Variants in ZNF804B observed in about 807,000 individuals in gnomAD.
The protein encoded by ZNF804B is zinc finger protein 804B, also known as zinc finger 804B.
Under a neutral mutation model 101.4 loss-of-function variants are expected in ZNF804B, and 80 were observed. The observed-to-expected ratio is 0.79, with a 90% CI of 0.66 to 0.95. ZNF804B has a LOEUF of 0.95. Among genes scored for constraint, ZNF804B ranks in the 40% least tolerant of loss-of-function variants. The pLI is 0.00. For synonymous variants in ZNF804B, 622 were observed against 558.8 expected, an observed-to-expected ratio of 1.11 and a Z score of -1.59; for missense variants, 1,673 against 1,561.9, an observed-to-expected ratio of 1.07 and a Z score of -1.20.
chr7:89,248,466 G>A lies in ZNF804B; in HGVS notation c.249+30171G>A, dbSNP rs1340432825. On this transcript the variant is annotated intron_variant, in intron 2 of 3. Coordinates refer to ENST00000333190, the MANE Select transcript of ZNF804B (RefSeq NM_181646.5). ...TGGAGGCCTATTTTCAGCATTCTTT[G>A]AAAAAAAAAGAAAAAAGAAAGAAAG... Among the ~76,000 whole-genome samples, 117 of 140,794 alleles carry A rather than the reference G, an allele frequency of 8.3e-4. 1 individual carries two copies. Among genetic ancestry groups the A allele is most frequent in the African/African-American group, 1.1e-3 (43 of 37,604 alleles). 92.4% of individuals were successfully genotyped at this position (140,794 alleles called of 152,430 possible).
intron 2 of ZNF804B, among the ~76,000 whole-genome samples, chr7:89,223,715 T>C (rs1789039981): frequency 6.6e-6 from 1 of 151,868 alleles, no homozygotes; most frequent in African/African-American, 2.4e-5. Flanking sequence ...TCTTAAGTAT[T>C]ATTTGTAGAG....
intron 1 of ZNF804B, among the ~76,000 whole-genome samples, chr7:88,921,253 G>A (rs1792714320): frequency 6.6e-6 from 1 of 151,920 alleles, no homozygotes; most frequent in African/African-American, 2.4e-5. Context: ...AGTGAGTTAA[G>A]ACAAAAAACT....
At chr7:89,233,795 T>C (rs1468354201) in intron 2 of ZNF804B, among the ~76,000 whole-genome samples, 1 of 152,116 alleles carries the variant, frequency 6.6e-6, no homozygotes, top group Non-Finnish European at 1.5e-5. Flanking sequence ...CATGCCACCA[T>C]GCCCAGCTAA....
chr7:89,324,184 G>A (rs910291795), intron 2 of ZNF804B, among the ~76,000 whole-genome samples: 22 of 150,976 alleles, frequency 1.5e-4, no homozygotes, highest in Admixed American at 1.3e-3. Context: ...ATAGCAAGAC[G>A]TTGAAATATT....
chr7:89,248,721 AAC>A (rs1789489131), intron 2 of ZNF804B, among the ~76,000 whole-genome samples: 1 of 152,138 alleles, frequency 6.6e-6, no homozygotes, highest in Admixed American at 6.6e-5. Context: ...CTATAAAGCA[AAC>A]ACACAATTGA....
chr7:89,331,643 G>A (rs1256829783), intron 3 of ZNF804B, among the ~76,000 whole-genome samples: 2 of 151,502 alleles, frequency 1.3e-5, no homozygotes, highest in East Asian at 3.9e-4. Flanking sequence ...CTAAATGGTG[G>A]CTAAAATTAG....
chr7:89,181,182 C>T, intron 1 of ZNF804B, among the ~76,000 whole-genome samples: 1 of 151,832 alleles, frequency 6.6e-6, no homozygotes, highest in Non-Finnish European at 1.5e-5. Flanking sequence ...ATAAGCACTC[C>T]CTTGGCTGCC....
chr7:89,133,523 G>A (rs1004568497), intron 1 of ZNF804B, among the ~76,000 whole-genome samples: 12 of 152,058 alleles, frequency 7.9e-5, no homozygotes, highest in African/African-American at 2.9e-4. Context: ...TCATGAGACT[G>A]GTAATGAGCT....
Position 89,336,764 on chromosome 7 carries a change from C to T in ZNF804B, c.3782C>T (p.Thr1261Ile), listed in dbSNP as rs548972515. The T allele has an allele frequency of 6.2e-7, 1 of 1,614,138 alleles. No individual in the cohort carries two copies. The highest frequency in any genetic ancestry group is 1.1e-5 in the South Asian group (1 of 91,090). The stretch of plus-strand genomic sequence containing the variant: ...CCAACCATTATCCCTGCACACCCCA[C>T]TTTCTTAGCAGGTCATCCCCTGCAT... Reference protein sequence around the residue: ...LTPTIIPAHPTFLAGHPLHLV... With the variant: ...LTPTIIPAHPIFLAGHPLHLV... Residue 1261 changes from threonine to isoleucine, a missense_variant, in exon 4 of 4, where the codon ACT (threonine) becomes ATT (isoleucine). Coordinates refer to ENST00000333190, the MANE Select transcript of ZNF804B (RefSeq NM_181646.5).
chr7:88,902,326 C>G (rs1792404658), intron 1 of ZNF804B, among the ~76,000 whole-genome samples: 1 of 152,018 alleles, frequency 6.6e-6, no homozygotes, highest in African/African-American at 2.4e-5. Context: ...TCTATAGAGA[C>G]TTCCCAAAGC....
chr7:88,782,905 G>A (rs1790251283), intron 1 of ZNF804B, among the ~76,000 whole-genome samples: 1 of 152,084 alleles, frequency 6.6e-6, no homozygotes, highest in African/African-American at 2.4e-5. Flanking sequence ...CTTGGGGGAA[G>A]CATCATACTT....
intron 1 of ZNF804B, among the ~76,000 whole-genome samples, chr7:89,038,804 G>A (rs367886993): frequency 2.6e-5 from 4 of 152,144 alleles, no homozygotes; most frequent in East Asian, 3.9e-4. Flanking sequence ...TTCCTGTTAA[G>A]TTTTTAATCC....
intron 1 of ZNF804B, among the ~76,000 whole-genome samples, chr7:89,119,208 A>G (rs1366759846): frequency 6.6e-6 from 1 of 152,214 alleles, no homozygotes; most frequent in Non-Finnish European, 1.5e-5. Context: ...CCCTTGCTGC[A>G]TGTCAGGCTT....
chr7:88,982,897 CCA>C (rs1793711494), intron 1 of ZNF804B, among the ~76,000 whole-genome samples: 2 of 152,056 alleles, frequency 1.3e-5, no homozygotes, highest in Non-Finnish European at 2.9e-5. Context: ...ACCAAGTCCT[CCA>C]AACTCCCAAG....
intron 1 of ZNF804B, among the ~76,000 whole-genome samples, chr7:89,087,235 C>A (rs1789818789): frequency 6.6e-6 from 1 of 151,716 alleles, no homozygotes; most frequent in South Asian, 2.1e-4. Flanking sequence ...ATAAGTAAGA[C>A]AAACAGTGAT....
chr7:89,115,534 C>T (rs767649026), intron 1 of ZNF804B, among the ~76,000 whole-genome samples: 5 of 152,084 alleles, frequency 3.3e-5, no homozygotes, highest in Non-Finnish European at 7.4e-5. Flanking sequence ...ATCTTGAGCC[C>T]AGATGTATTT....
intron 1 of ZNF804B, among the ~76,000 whole-genome samples, chr7:88,822,356 A>G (rs1164650056): frequency 6.6e-6 from 1 of 152,156 alleles, no homozygotes; most frequent in African/African-American, 2.4e-5. Flanking sequence ...TTGTTTATCG[A>G]GTCATTTTCT....
At chr7:89,288,306 C>T (rs1446581264) in intron 2 of ZNF804B, among the ~76,000 whole-genome samples, 1 of 151,760 alleles carries the variant, frequency 6.6e-6, no homozygotes, top group Non-Finnish European at 1.5e-5. Flanking sequence ...TAAGGAGTTC[C>T]AGAAAGAAAG....
chr7:89,167,696 G>A (rs1221408121), intron 1 of ZNF804B, among the ~76,000 whole-genome samples: 3 of 152,098 alleles, frequency 2.0e-5, no homozygotes, highest in African/African-American at 7.2e-5. Context: ...ATGTCTTAGA[G>A]TTTGAACTCT....
Sources: gnomAD v4.1 joint callset for allele counts (sites outside exome capture counted in the v4.1 genomes callset) on GRCh38, gnomAD v4.1.1 for gene constraint, MANE v1.5 for transcripts, NCBI Gene and HGNC (gene_info 2026-07-23, HGNC 2026-07-21) for gene names.